The following ADAMTS17 variants were observed in gnomAD, a reference collection of about 807,000 sequenced individuals.
ADAMTS17 encodes the protein ADAM metallopeptidase with thrombospondin type 1 motif 17.
Under a neutral mutation model 141.5 loss-of-function variants are expected in ADAMTS17, and 113 were observed. That is an observed-to-expected ratio of 0.80 (90% CI 0.69 to 0.93). ADAMTS17 has a LOEUF of 0.93. Among genes scored for constraint, ADAMTS17 ranks in the 40% least tolerant of loss-of-function variants. The pLI is 0.00. For missense variants in ADAMTS17, 1,659 were observed against 1,517.9 expected (o/e 1.09, Z -1.54); for synonymous variants, 768 against 630.6 (o/e 1.22, Z -3.27).
Position 100,133,686 on chromosome 15 carries a change from G to C in ADAMTS17, c.1474-371C>G, listed in dbSNP as rs546356350. 2.0e-5 allele frequency among the ~76,000 whole-genome samples: 3 copies of C among 152,264 alleles called. No homozygotes were observed. In the South Asian group the frequency reaches 6.2e-4, roughly 32 times the overall value. On this transcript the variant is annotated intron_variant, in intron 10 of 21. Transcript: ENST00000268070. Reference sequence around the variant, plus strand: ...ATTTACAGCAGTGAGGGGCTGTCTAGGGGACACAGAAAGAGGATCTAACCA... The same window carrying C: ...ATTTACAGCAGTGAGGGGCTGTCTACGGGACACAGAAAGAGGATCTAACCA...
intron 8 of ADAMTS17, among the ~76,000 whole-genome samples, chr15:100,184,041 G>A (rs2040617134): frequency 6.6e-6 from 1 of 152,196 alleles, no homozygotes; most frequent in South Asian, 2.1e-4. Context: ...TTTCATTGCT[G>A]CTGCTGCTGC....
intron 10 of ADAMTS17, among the ~76,000 whole-genome samples, chr15:100,147,057 C>T (rs935182558): frequency 5.3e-5 from 8 of 152,074 alleles, no homozygotes; most frequent in Non-Finnish European, 1.0e-4. Context: ...ATTCTATTAC[C>T]TTCTGAAGTA....
intron 15 of ADAMTS17, among the ~76,000 whole-genome samples, chr15:100,090,498 C>G (rs2035389191): frequency 6.6e-6 from 1 of 152,186 alleles, no homozygotes; most frequent in Admixed American, 6.5e-5. Context: ...GTATCCACAT[C>G]TATTCTTAAG....
At chr15:100,270,679 C>T (rs530110716) in intron 4 of ADAMTS17, among the ~76,000 whole-genome samples, 1 of 150,892 alleles carries the variant, frequency 6.6e-6, no homozygotes, top group South Asian at 2.1e-4. Context: ...TAGACATAGG[C>T]CTACCTTGAT....
chr15:100,091,829 T>C (rs755383009), intron 15 of ADAMTS17, among the ~76,000 whole-genome samples: 7 of 152,124 alleles, frequency 4.6e-5, no homozygotes, highest in Middle Eastern at 3.2e-3. Flanking sequence ...TGGAGAGGCA[T>C]TTGTTTTATT....
chr15:100,127,606 G>T (rs1442633461), intron 12 of ADAMTS17, among the ~76,000 whole-genome samples: 1 of 152,182 alleles, frequency 6.6e-6, no homozygotes, highest in East Asian at 1.9e-4. Context: ...TTTTGAGATG[G>T]AGTCCCACTC....
At chr15:100,082,579 G>A (rs2034817823) in intron 15 of ADAMTS17, among the ~76,000 whole-genome samples, 1 of 151,712 alleles carries the variant, frequency 6.6e-6, no homozygotes, top group South Asian at 2.1e-4. Context: ...GTAGAGGCAG[G>A]GTTTCGCCAT....
chr15:99,985,088 T>C (rs867122214), intron 20 of ADAMTS17, among the ~76,000 whole-genome samples: 8 of 152,248 alleles, frequency 5.3e-5, no homozygotes, highest in African/African-American at 1.9e-4. Context: ...CATGTGAGCA[T>C]GGCCCAGGTC....
intron 15 of ADAMTS17, chr15:100,063,547 G>T: frequency 1.4e-6 from 1 of 690,080 alleles, no homozygotes; most frequent in Non-Finnish European, 2.2e-6. Flanking sequence ...CCCTCTGGGT[G>T]CTCATGTCAT....
At chr15:100,221,294 C>T (rs374213170) in intron 7 of ADAMTS17, among the ~76,000 whole-genome samples, 93 of 146,620 alleles carry the variant, frequency 6.3e-4, no homozygotes, top group African/African-American at 2.3e-3. Flanking sequence ...TTTTTTTTAA[C>T]AGTGACAGAA....
intron 2 of ADAMTS17, among the ~76,000 whole-genome samples, chr15:100,331,677 G>A (rs748625325): frequency 3.3e-5 from 5 of 152,058 alleles, no homozygotes; most frequent in African/African-American, 7.2e-5. Context: ...GAACAATCCC[G>A]AACTGCCTTT....
chr15:100,336,219 C>A (rs151132745), intron 2 of ADAMTS17, among the ~76,000 whole-genome samples: 2 of 152,308 alleles, frequency 1.3e-5, no homozygotes, highest in Admixed American at 6.5e-5. Context: ...GCCTGGCAGC[C>A]TAAGAGGAGT....
At chr15:100,262,172 AG>A (rs1365299464) in intron 5 of ADAMTS17, among the ~76,000 whole-genome samples, 179 bp downstream of exon 5, 1 of 151,970 alleles carries the variant, frequency 6.6e-6, no homozygotes, top group Non-Finnish European at 1.5e-5. Context: ...GATTCTCAAC[AG>A]CCCCCCCTCA....
Position 99,993,160 on chromosome 15 carries a change from A to G in ADAMTS17, c.2837T>C (p.Val946Ala). 1 of 1,614,152 alleles carries G rather than the reference A, an allele frequency of 6.2e-7. No homozygotes were observed. Among genetic ancestry groups the G allele is most frequent in the Non-Finnish European group, 8.5e-7 (1 of 1,180,028 alleles). The change falls in exon 20 of 22, where the codon GTG becomes GCG. Residue 946 changes from valine (V) to alanine (A), a missense_variant. Physicochemically the swap from Val to Ala is moderately conservative, Grantham distance 64 (BLOSUM62 0). Transcript: ENST00000268070. This position sits in a 1 kb window ranked among gnomAD's most constrained non-coding sequence, Gnocchi z 4.3. The stretch of plus-strand genomic sequence containing the variant: ...TTTCCCTTGTGAGTTGGTGCACGCC[A>G]CGGTCCGTTTCCACACCCCTTTACC... ...SCGKGVWKRT[V>A]ACTNSQGKCD...
chr15:100,257,890 T>C (rs56410148), intron 6 of ADAMTS17, among the ~76,000 whole-genome samples: 54 of 152,316 alleles, frequency 3.5e-4, no homozygotes, highest in African/African-American at 1.3e-3. Flanking sequence ...CGAAACTCTG[T>C]ACCCATGAAA....
intron 12 of ADAMTS17, among the ~76,000 whole-genome samples, chr15:100,119,186 C>G (rs1216926093): frequency 2.6e-5 from 4 of 152,118 alleles, no homozygotes; most frequent in South Asian, 2.1e-4. Context: ...TGTCGACACC[C>G]TGATTTGGAC....
intron 7 of ADAMTS17, among the ~76,000 whole-genome samples, chr15:100,251,852 G>A (rs2043165696): frequency 6.6e-6 from 1 of 152,220 alleles, no homozygotes; most frequent in African/African-American, 2.4e-5. Context: ...GCACACAGAG[G>A]AAAGGCCACA....
chr15:100,169,069 T>C (rs2040061886), intron 8 of ADAMTS17, among the ~76,000 whole-genome samples: 1 of 152,218 alleles, frequency 6.6e-6, no homozygotes, highest in Non-Finnish European at 1.5e-5. Flanking sequence ...GTGTTCATCA[T>C]ATTCCCTTAG....
At chr15:100,079,286 G>C (rs1420288798) in intron 15 of ADAMTS17, among the ~76,000 whole-genome samples, 1 of 152,176 alleles carries the variant, frequency 6.6e-6, no homozygotes, top group African/African-American at 2.4e-5. Context: ...AGCCAAAAAA[G>C]TGGAAACAAT....
Sources: gnomAD v4.1 joint callset for allele counts (sites outside exome capture counted in the v4.1 genomes callset) on GRCh38, gnomAD v4.1.1 for gene constraint, Gnocchi (gnomAD v3.1) non-coding constraint, MANE v1.5 for transcripts, NCBI Gene and HGNC (gene_info 2026-07-23, HGNC 2026-07-21) for gene names.